ZNF423: variants seen among roughly 807,000 people sequenced by gnomAD.
ZNF423 encodes the protein Ebf-associated zinc finger protein.
In ZNF423, 12 loss-of-function variants were observed where a neutral mutation model predicts 95.8. That is an observed-to-expected ratio of 0.13 (90% confidence interval 0.08 to 0.20). The LOEUF (loss-of-function observed/expected upper bound fraction) is 0.20, where lower values mean the gene tolerates loss of function less well. Ranked by LOEUF, ZNF423 falls within the 10% of genes least tolerant of loss-of-function variation. The pLI, the probability that ZNF423 is intolerant of heterozygous loss-of-function variation, is 1.00. For synonymous variants in ZNF423, 749 were observed against 711.9 expected, an observed-to-expected ratio of 1.05 and a Z score of -0.83; for missense variants, 1,316 against 1,737.1, an observed-to-expected ratio of 0.76 and a Z score of 4.31.
At chr16:49,831,134 A>G (rs1001945498) in intron 1 of ZNF423, among the ~76,000 whole-genome samples, 7 of 152,134 alleles carry the variant, frequency 4.6e-5, no homozygotes, top group African/African-American at 1.2e-4. Context: ...GAGCAGTGAC[A>G]TGGTCAAAGT....
At chr16:49,718,484 G>A (rs1048924856) in intron 3 of ZNF423, among the ~76,000 whole-genome samples, 4 of 152,152 alleles carry the variant, frequency 2.6e-5, no homozygotes, top group Admixed American at 2.0e-4. Flanking sequence ...TCTTTCATCC[G>A]TTAAGTTTGC....
intron 5 of ZNF423, among the ~76,000 whole-genome samples, chr16:49,624,861 G>A (rs1972205534): frequency 6.6e-6 from 1 of 152,218 alleles, no homozygotes; most frequent in Non-Finnish European, 1.5e-5. Flanking sequence ...GGGCCTGAAG[G>A]AGCCCAAGAG....
At chr16:49,557,313 G>A (rs555553361) in intron 5 of ZNF423, among the ~76,000 whole-genome samples, 1 of 152,318 alleles carries the variant, frequency 6.6e-6, no homozygotes, top group South Asian at 2.1e-4. Context: ...AGGAGGGAGG[G>A]GGGCAGACGC....
At position 49,707,385 on chromosome 16, in the gene ZNF423, G is replaced by A. The variant is rs1276971444; in HGVS notation, c.301+23386C>T. ...TCCTAGCACTTTGGGAGGCCAAGGC[G>A]GGTGGATCACCTGAGGTCAGAAGTT... On this transcript the variant is annotated intron_variant, in intron 3 of 7. Coordinates refer to ENST00000563137, the MANE Select transcript of ZNF423 (RefSeq NM_001379286.1). Among the ~76,000 whole-genome samples the A allele has an allele frequency of 2.0e-5, 3 of 152,116 alleles. 1 individual carries two copies. Among genetic ancestry groups the A allele is most frequent in the South Asian group, 4.1e-4 (2 of 4,820 alleles).
Position 49,638,438 on chromosome 16 carries a change from C to T in ZNF423, c.738G>A (p.Gln246=), listed in dbSNP as rs745849789. Residue 246 remains glutamine (Q), a synonymous_variant, in exon 4 of 8, where the codon CAG becomes CAA. Transcript: ENST00000563137. The surrounding 1 kb of genome is among the most constrained non-coding windows in gnomAD (Gnocchi z 5.6). ...TCTTTTTGTGGGCCTGCATGTGGCT[C>T]TGCAGCGAGCTGGTGGAGGAGAAGC... The part of the protein sequence containing the change: ...KRGFSSTSSL[Q]SHMQAHKKNK... The T allele has an allele frequency of 9.9e-6, 16 of 1,613,810 alleles. No homozygotes were observed. Among genetic ancestry groups the T allele is most frequent in the Non-Finnish European group, 1.3e-5 (15 of 1,180,050 alleles).
Position 49,855,225 on chromosome 16 carries a change from G to A in ZNF423, c.40+510C>T, listed in dbSNP as rs924995222. On this transcript the variant is annotated intron_variant, in intron 1 of 7. Transcript: ENST00000563137. This position sits in a 1 kb window ranked among gnomAD's most constrained non-coding sequence, Gnocchi z 4.7. ...CCCGCCGCTCCCCGCGTCCTCGGGC[G>A]ACCAGGCAGGGGCCAGAGAGAGCCA... Among the ~76,000 whole-genome samples, 4 of 150,804 alleles carry A rather than the reference G, an allele frequency of 2.7e-5. No individual in the cohort carries two copies. The highest frequency in any genetic ancestry group is 4.4e-5 in the Non-Finnish European group (3 of 67,584).
chr16:49,517,689 C>G (rs1027546240), intron 7 of ZNF423: 4 of 181,456 alleles, frequency 2.2e-5, no homozygotes, highest in African/African-American at 7.5e-5. Context: ...TTTTTTTTTT[C>G]ATTGTTAGAT....
intron 7 of ZNF423, 34 bp from the exon 8 acceptor site, chr16:49,491,338 G>A (rs200788408): frequency 5.6e-6 from 9 of 1,613,424 alleles, no homozygotes; most frequent in African/African-American, 1.3e-5. Context: ...ACACATGAAG[G>A]AGAAGAATGG....
At chr16:49,815,901 T>TAC (rs1567356382) in intron 1 of ZNF423, among the ~76,000 whole-genome samples, 9 of 45,726 alleles carry the variant, frequency 2.0e-4, no homozygotes, top group African/African-American at 9.1e-4. Context: ...TATATATATA[T>TAC]ATATATATAT....
At chr16:49,854,434 G>A (rs1306398561) in intron 1 of ZNF423, 1 of 985,350 alleles carries the variant, frequency 1.0e-6, no homozygotes, top group African/African-American at 1.7e-5. Flanking sequence ...AGGCTGGCAG[G>A]AAGGGAGCGG....
chr16:49,708,182 G>C (rs1202358694), intron 3 of ZNF423: 1 of 152,696 alleles, frequency 6.5e-6, no homozygotes, highest in South Asian at 2.1e-4. Flanking sequence ...GAACCTGCCG[G>C]CAGATCTACA....
intron 5 of ZNF423, among the ~76,000 whole-genome samples, chr16:49,600,622 A>G (rs894187569): frequency 6.6e-6 from 1 of 151,966 alleles, no homozygotes; most frequent in African/African-American, 2.4e-5. Context: ...CCAGCAGGGA[A>G]CCATGCGCCA....
At chr16:49,740,182 T>TA (rs1319679284) in intron 2 of ZNF423, among the ~76,000 whole-genome samples, 3 of 151,722 alleles carry the variant, frequency 2.0e-5, no homozygotes, top group African/African-American at 7.3e-5. Context: ...TCTTTTTCAT[T>TA]AAAAAAAATA....
At chr16:49,776,117 T>C (rs1319869647) in intron 2 of ZNF423, among the ~76,000 whole-genome samples, 2 of 152,130 alleles carry the variant, frequency 1.3e-5, no homozygotes, top group Admixed American at 6.5e-5. Context: ...TCAATGAAGA[T>C]GGTGGGAGCA....
rs1312150394 is a variant in ZNF423 at position 49,509,853 on chromosome 16, C to A, written c.3849+13771G>T. On this transcript the variant is annotated intron_variant, in intron 7 of 7. Coordinates refer to ENST00000563137, the MANE Select transcript of ZNF423 (RefSeq NM_001379286.1). ...GGGTTCAAATCTCATCTCTGCCCAA[C>A]TATGCCTCAGTCTCCCCACCTGTGA... is the stretch of plus-strand genomic sequence containing the variant. Among the ~76,000 whole-genome samples, 5 of 152,246 alleles carry A rather than the reference C, an allele frequency of 3.3e-5. No individual in the cohort carries two copies. The East Asian group carries it at 9.6e-4, about 29-fold the overall frequency.
At chr16:49,722,244 C>A (rs963374436) in intron 3 of ZNF423, among the ~76,000 whole-genome samples, 10 of 152,204 alleles carry the variant, frequency 6.6e-5, no homozygotes, top group African/African-American at 2.2e-4. Context: ...GCCAAGCAGA[C>A]CCAGGCTGGC....
intron 7 of ZNF423, among the ~76,000 whole-genome samples, chr16:49,501,502 T>A (rs1967400097): frequency 6.6e-6 from 1 of 152,072 alleles, no homozygotes. Context: ...GAACTACCAT[T>A]CAACCCAGCA....
chr16:49,634,192 C>G (rs1177789944), intron 4 of ZNF423, among the ~76,000 whole-genome samples: 1 of 147,144 alleles, frequency 6.8e-6, no homozygotes, highest in East Asian at 2.0e-4. Flanking sequence ...AGGCGTGAGC[C>G]ACCACACCTG....
intron 3 of ZNF423, among the ~76,000 whole-genome samples, chr16:49,721,291 C>T (rs2032858632): frequency 6.6e-6 from 1 of 152,186 alleles, no homozygotes; most frequent in Non-Finnish European, 1.5e-5. Context: ...CATCCTCCAG[C>T]TAGACTATAC....
Sources: allele counts gnomAD v4.1 joint callset (sites outside exome capture counted in the v4.1 genomes callset), GRCh38; gene constraint gnomAD v4.1.1; non-coding constraint Gnocchi (gnomAD v3.1); transcripts MANE v1.5; gene names NCBI Gene and HGNC (gene_info 2026-07-23, HGNC 2026-07-21).